Variants in PUF60 observed in about 807,000 individuals in gnomAD.
PUF60 encodes poly(U) binding splicing factor 60, also known as poly(U)-binding-splicing factor PUF60.
In PUF60, 10 loss-of-function variants were observed where a neutral mutation model predicts 61.8. The ratio of observed to expected loss-of-function variants is 0.16; its 90% CI spans 0.10 to 0.27. The LOEUF is 0.27. Ranked by LOEUF, PUF60 falls within the 10% of genes least tolerant of loss-of-function variation. PUF60 has a pLI of 1.00. For synonymous variants in PUF60, 353 were observed against 300.9 expected, an observed-to-expected ratio of 1.17 and a Z score of -1.79; for missense variants, 371 against 754.0, an observed-to-expected ratio of 0.49 and a Z score of 5.95.
In PUF60 at chr8:143,828,420, G is replaced by A. The variant is rs576808007; in HGVS notation, c.24+860C>T. On this transcript the variant is annotated intron_variant, in intron 1 of 11. Transcript: ENST00000526683. Reference sequence around the variant, plus strand: ...AAGGGGATTAGGTCCTATAAGCTAAGTGGTGAGAAGGAAAGACCAGACTTC... The same window carrying A: ...AAGGGGATTAGGTCCTATAAGCTAAATGGTGAGAAGGAAAGACCAGACTTC... Among the ~76,000 whole-genome samples, 10 of 152,390 alleles carry A rather than the reference G, an allele frequency of 6.6e-5. No individual in the cohort carries two copies. The East Asian group carries it at 1.5e-3, about 23-fold the overall frequency.
At chr8:143,821,426 G>C in intron 4 of PUF60, 171 bp downstream of exon 4, 1 of 645,588 alleles carries the variant, frequency 1.5e-6, no homozygotes, top group Non-Finnish European at 2.7e-6. Context: ...GAAAGGCTGG[G>C]CCACTCGTGC....
At chr8:143,829,022 A>G in intron 1 of PUF60, 1 of 999,002 alleles carries the variant, frequency 1.0e-6, no homozygotes, top group South Asian at 4.6e-5. Flanking sequence ...GCTCGCCCGC[A>G]AGGGCCACAC....
At chr8:143,821,962 T>C in intron 2 of PUF60, 49 bp from the exon 3 acceptor site, 1 of 1,457,128 alleles carries the variant, frequency 6.9e-7, no homozygotes, top group South Asian at 1.3e-5. Flanking sequence ...AAGTTCTCCT[T>C]CACGTGGCCC....
Position 143,818,116 on chromosome 8 carries a change from G to A in PUF60, c.604-41C>T, listed in dbSNP as rs1816575869. On this transcript the variant is annotated intron_variant, in intron 7 of 11. Transcript: ENST00000526683. The surrounding 1 kb of genome is among the most constrained non-coding windows in gnomAD (Gnocchi z 7.9). ...TGAGATGGAAAGACCGGTCAACCCAGGCCCGGCCACAAAAGGCTTCCGTGG... is the reference window on the plus strand; with the variant it reads ...TGAGATGGAAAGACCGGTCAACCCAAGCCCGGCCACAAAAGGCTTCCGTGG... 5 of 1,604,754 alleles carry A rather than the reference G, an allele frequency of 3.1e-6. No individual in the cohort carries two copies. The highest frequency in any genetic ancestry group is 4.3e-6 in the Non-Finnish European group (5 of 1,175,734).
intron 5 of PUF60, among the ~76,000 whole-genome samples, chr8:143,819,563 C>T (rs531387822): frequency 3.3e-5 from 5 of 152,310 alleles, no homozygotes; most frequent in Non-Finnish European, 7.4e-5. Context: ...CCTCCCCATC[C>T]CGTGGAGAGG....
chr8:143,827,531 T>C (rs1450549512), intron 1 of PUF60: 2 of 447,836 alleles, frequency 4.5e-6, no homozygotes, highest in Admixed American at 2.4e-5. Context: ...CAACCTCCCA[T>C]GAGAGCTGAA....
intron 5 of PUF60, 80 bp downstream of exon 5, chr8:143,820,586 C>A: frequency 6.8e-7 from 1 of 1,462,702 alleles, no homozygotes; most frequent in Non-Finnish European, 9.6e-7. Context: ...GAGCAAGGTC[C>A]CCAGCACGTG....
chr8:143,825,037 A>T (rs1483287514), intron 1 of PUF60: 1 of 152,880 alleles, frequency 6.5e-6, no homozygotes, highest in Non-Finnish European at 1.5e-5. Flanking sequence ...AAGGAGGAGC[A>T]GCTCCACAAT....
Position 143,818,708 on chromosome 8 carries a change from G to A in PUF60, c.349-174C>T, listed in dbSNP as rs920700387. 13 of 700,044 alleles carry A rather than the reference G, an allele frequency of 1.9e-5. No homozygotes were observed. In the Admixed American group the frequency reaches 2.7e-4, roughly 15 times the overall value. The allele number at this position is 700,044 out of a possible 1,614,324, so 43.4% of individuals were successfully genotyped here. On this transcript the variant is annotated intron_variant, in intron 5 of 11. Transcript: ENST00000526683. This position sits in a 1 kb window ranked among gnomAD's most constrained non-coding sequence, Gnocchi z 7.9. ...CATAGTGTGGGGGTCGCAGGACCCC[G>A]CCACCCAAAGAAGGAAGGCCAGGCC... is the stretch of plus-strand genomic sequence containing the variant.
chr8:143,824,567 A>C, intron 1 of PUF60, 168 bp from the exon 2 acceptor site: 3 of 639,570 alleles, frequency 4.7e-6, no homozygotes, highest in East Asian at 2.8e-5. Flanking sequence ...CTTCACACCC[A>C]TCAGCACGCC....
rs759998258 is a variant in PUF60, at chr8:143,817,002, G to A, written c.1288C>T (p.Arg430Trp). ...EEEELFPESE[R>W]PEMLSEQEHM... ...TCCTGCTCGCTCAGCATCTCTGGCCGCTCTGACTCGGGAAACAGCTCCTCT... is the reference window on the plus strand; with the variant it reads ...TCCTGCTCGCTCAGCATCTCTGGCCACTCTGACTCGGGAAACAGCTCCTCT... Residue 430 changes from arginine to tryptophan, a missense_variant, in exon 11 of 12, where the codon CGG becomes TGG. Transcript: ENST00000526683. The surrounding 1 kb of genome is among the most constrained non-coding windows in gnomAD (Gnocchi z 7.4). 3.1e-6 allele frequency: 5 copies of A among 1,607,062 alleles called. No individual in the cohort carries two copies. Among genetic ancestry groups the A allele is most frequent in the South Asian group, 1.1e-5 (1 of 89,984 alleles).
At chr8:143,824,155 CTGCGGGCA>C (rs1247693348) in intron 2 of PUF60, among the ~76,000 whole-genome samples, 150 bp downstream of exon 2, 2 of 152,192 alleles carry the variant, frequency 1.3e-5, no homozygotes, top group African/African-American at 2.4e-5. Flanking sequence ...GGCCGTGGTC[CTGCGGGCA>C]GTTGTCTGCC....
rs368414764 is a variant in PUF60 at position 143,827,186 on chromosome 8, A to G, written c.24+2094T>C. 116 of 337,362 alleles carry G rather than the reference A, an allele frequency of 3.4e-4. 1 individual carries two copies. Among genetic ancestry groups the G allele is most frequent in the South Asian group, 2.5e-3 (114 of 46,150 alleles). 20.9% of individuals were successfully genotyped at this position (337,362 alleles called of 1,614,324 possible). ...ACCAGCACTACGAAGAAAGCACAGG[A>G]TAAGAAAGGAGTGGCTATGAGCTAT... On this transcript the variant is annotated intron_variant, in intron 1 of 11. Coordinates refer to ENST00000526683, the MANE Select transcript of PUF60 (RefSeq NM_078480.3).
rs1586559616 is a variant in PUF60, at chr8:143,817,009, C to T, written c.1281G>A (p.Glu427=). ...KEKEEEELFP[E]SERPEMLSEQ... ...CGCTCAGCATCTCTGGCCGCTCTGA[C>T]TCGGGAAACAGCTCCTCTTCTTCCT... The change falls in exon 11 of 12, where the codon GAG becomes GAA. Residue 427 remains glutamate (E), a synonymous_variant. Transcript: ENST00000526683. This position sits in a 1 kb window ranked among gnomAD's most constrained non-coding sequence, Gnocchi z 7.4. 6.2e-7 allele frequency: 1 copy of T among 1,608,660 alleles called. No homozygotes were observed. The highest frequency in any genetic ancestry group is 8.5e-7 in the Non-Finnish European group (1 of 1,177,778).
chr8:143,825,477 G>A (rs1488034131), intron 1 of PUF60, among the ~76,000 whole-genome samples: 1 of 152,074 alleles, frequency 6.6e-6, no homozygotes, highest in Non-Finnish European at 1.5e-5. Flanking sequence ...GAGAGTGAAA[G>A]GAAACAAGGG....
At chr8:143,829,059 C>G (rs1394228585) in intron 1 of PUF60, 4 of 1,030,198 alleles carry the variant, frequency 3.9e-6, no homozygotes, top group Non-Finnish European at 3.5e-6. Context: ...CGCCCCGCCC[C>G]GCCGGAAGCT....
At chr8:143,821,755 C>A in intron 3 of PUF60, 63 bp downstream of exon 3, 1 of 1,550,878 alleles carries the variant, frequency 6.4e-7, no homozygotes, top group Non-Finnish European at 8.7e-7. Context: ...CCGCACCCCG[C>A]CCCTGCCCCT....
At position 143,818,629 on chromosome 8, in the gene PUF60, G is replaced by A. The variant is rs977913183; in HGVS notation, c.349-95C>T. The A allele has an allele frequency of 1.1e-5, 15 of 1,338,110 alleles. No homozygotes were observed. The African/African-American group carries it at 2.1e-4, about 18-fold the overall frequency. 82.9% of individuals were successfully genotyped at this position (1,338,110 alleles called of 1,614,324 possible). A position where few individuals can be genotyped will look rare whatever the true frequency, so the allele number is the denominator to read the frequency against. Reference sequence around the variant, plus strand: ...CCTCCTGGCCCACCCACCCAGCCCTGCTGTGGGGAGGGCTCCCCACATGAC... The same window carrying A: ...CCTCCTGGCCCACCCACCCAGCCCTACTGTGGGGAGGGCTCCCCACATGAC... On this transcript the variant is annotated intron_variant, in intron 5 of 11. Coordinates refer to ENST00000526683, the MANE Select transcript of PUF60 (RefSeq NM_078480.3). The surrounding 1 kb of genome is among the most constrained non-coding windows in gnomAD (Gnocchi z 7.9).
intron 1 of PUF60, 156 bp downstream of exon 1, chr8:143,829,124 C>T (rs1818008031): frequency 6.2e-5 from 73 of 1,179,542 alleles, no homozygotes; most frequent in Non-Finnish European, 7.5e-5. Flanking sequence ...GCGCGCCCGC[C>T]CCGCCCCCGC....
Sources: gnomAD v4.1 joint callset for allele counts (sites outside exome capture counted in the v4.1 genomes callset) on GRCh38, gnomAD v4.1.1 for gene constraint, Gnocchi (gnomAD v3.1) non-coding constraint, MANE v1.5 for transcripts, NCBI Gene and HGNC (gene_info 2026-07-23, HGNC 2026-07-21) for gene names.